Variants in CDH8 observed in about 807,000 individuals in gnomAD.
CDH8 encodes the protein cadherin-8.
A neutral mutation model predicts 68.1 loss-of-function variants in CDH8; 17 were observed. The ratio of observed to expected loss-of-function variants is 0.25; its 90% CI spans 0.17 to 0.37. The LOEUF (loss-of-function observed/expected upper bound fraction) is 0.37, where lower values mean the gene tolerates loss of function less well. Among genes scored for constraint, CDH8 ranks in the 10% least tolerant of loss-of-function variants. CDH8 has a pLI of 1.00. For synonymous variants in CDH8, 372 were observed against 365.1 expected, an observed-to-expected ratio of 1.02 and a Z score of -0.21; for missense variants, 763 against 999.3, an observed-to-expected ratio of 0.76 and a Z score of 3.19.
At chr16:61,783,472 G>C (rs1432841062) in intron 8 of CDH8, among the ~76,000 whole-genome samples, 1 of 151,934 alleles carries the variant, frequency 6.6e-6, no homozygotes, top group Non-Finnish European at 1.5e-5. Flanking sequence ...TGGTGTACCT[G>C]AAAGTGATGG....
intron 8 of CDH8, among the ~76,000 whole-genome samples, chr16:61,758,220 T>G (rs982437106): frequency 6.6e-6 from 1 of 152,144 alleles, no homozygotes; most frequent in Non-Finnish European, 1.5e-5. Flanking sequence ...ATTTTGACCA[T>G]GACACCTTTG....
intron 1 of CDH8, among the ~76,000 whole-genome samples, chr16:62,031,282 T>C (rs998442384): frequency 2.0e-5 from 3 of 152,042 alleles, no homozygotes; most frequent in Non-Finnish European, 4.4e-5. Flanking sequence ...TAAGATTGAT[T>C]TGAAAAAATG....
At chr16:62,008,604 G>A (rs996880848) in intron 2 of CDH8, among the ~76,000 whole-genome samples, 2 of 152,088 alleles carry the variant, frequency 1.3e-5, no homozygotes, top group Admixed American at 6.5e-5. Flanking sequence ...GGGCTCAGGC[G>A]ATCCTCACAA....
At chr16:61,990,691 G>T (rs1471970514) in intron 2 of CDH8, among the ~76,000 whole-genome samples, 1 of 152,092 alleles carries the variant, frequency 6.6e-6, no homozygotes, top group Non-Finnish European at 1.5e-5. Flanking sequence ...CAGTGTGGCG[G>T]TGCACACCTG....
rs574155602 is a variant in CDH8, at chr16:61,831,234, T to C, written c.668-6055A>G. On this transcript the variant is annotated intron_variant, in intron 4 of 11. Coordinates refer to ENST00000577390, the MANE Select transcript of CDH8 (RefSeq NM_001796.5). The stretch of plus-strand genomic sequence containing the variant: ...GAATTCAACTAATGAGAACCCTCCA[T>C]TCTCCATGAAGTTCATTCAATGGAA... Among the ~76,000 whole-genome samples the C allele has an allele frequency of 9.2e-5, 14 of 151,874 alleles. No homozygotes were observed. In the South Asian group the frequency reaches 2.9e-3, roughly 31 times the overall value.
intron 3 of CDH8, among the ~76,000 whole-genome samples, chr16:61,862,083 A>G (rs1328771875): frequency 6.6e-6 from 1 of 151,898 alleles, no homozygotes; most frequent in African/African-American, 2.4e-5. Flanking sequence ...GCTTAGAAAG[A>G]AAGTGATTTT....
chr16:61,775,099 C>A (rs1008067036), intron 8 of CDH8, among the ~76,000 whole-genome samples: 1 of 152,110 alleles, frequency 6.6e-6, no homozygotes, highest in Non-Finnish European at 1.5e-5. Context: ...TGTGTTGGCC[C>A]ATGCCTATAA....
intron 10 of CDH8, chr16:61,693,562 C>T (rs1948089784): frequency 6.6e-6 from 1 of 151,942 alleles, no homozygotes. Context: ...AAGATGGCAC[C>T]TCATAGAGGT....
At chr16:61,851,492 C>G (rs1438875318) in intron 4 of CDH8, among the ~76,000 whole-genome samples, 1 of 152,026 alleles carries the variant, frequency 6.6e-6, no homozygotes, top group Non-Finnish European at 1.5e-5. Flanking sequence ...ACTTGCCTTG[C>G]ATTTTATTTA....
At chr16:61,671,008 G>A (rs1237260356) in intron 10 of CDH8, among the ~76,000 whole-genome samples, 1 of 151,924 alleles carries the variant, frequency 6.6e-6, no homozygotes, top group Non-Finnish European at 1.5e-5. Context: ...CAAAACTATG[G>A]ATAAGGGGGA....
chr16:61,712,761 G>A (rs1181383158), intron 10 of CDH8, among the ~76,000 whole-genome samples: 1 of 151,556 alleles, frequency 6.6e-6, no homozygotes, highest in Non-Finnish European at 1.5e-5. Flanking sequence ...TATAACAACT[G>A]TCATTTCCTT....
In CDH8 at chr16:61,926,567, A is replaced by G. The variant is rs866976975; in HGVS notation, c.253-25094T>C. On this transcript the variant is annotated intron_variant, in intron 2 of 11. Coordinates refer to ENST00000577390, the MANE Select transcript of CDH8 (RefSeq NM_001796.5). ...TTTTTTATATCCTTAGGGTTCTGTGACACCTGACAGATGGAGCATATGCCC... is the reference window on the plus strand; with the variant it reads ...TTTTTTATATCCTTAGGGTTCTGTGGCACCTGACAGATGGAGCATATGCCC... Among the ~76,000 whole-genome samples the G allele has an allele frequency of 2.4e-4, 36 of 152,198 alleles. 1 individual carries two copies. Among genetic ancestry groups the G allele is most frequent in the African/African-American group, 7.0e-4 (29 of 41,448 alleles).
In CDH8 at chr16:61,781,489, C is replaced by T. The variant is rs72798723; in HGVS notation, c.1414+7857G>A. The stretch of plus-strand genomic sequence containing the variant: ...AACTACAATTAGCCAGGCATGATGG[C>T]TTGTGCCTGTAGGCCCAGATGCTAG... On this transcript the variant is annotated intron_variant, in intron 8 of 11. Coordinates refer to ENST00000577390, the MANE Select transcript of CDH8 (RefSeq NM_001796.5). Among the ~76,000 whole-genome samples, 1,210 of 152,174 alleles carry T rather than the reference C, an allele frequency of 8.0e-3. 12 individuals carry two copies. Among genetic ancestry groups the T allele is most frequent in the Non-Finnish European group, 0.015 (991 of 67,994 alleles).
At chr16:61,772,084 A>C (rs151184735) in intron 8 of CDH8, among the ~76,000 whole-genome samples, 3,441 of 152,078 alleles carry the variant, frequency 0.023, 71 homozygotes, top group Admixed American at 0.039. Flanking sequence ...AAAATTTCAG[A>C]ACCCAGAGGT....
At chr16:62,033,755 G>T (rs1902383439) in intron 1 of CDH8, among the ~76,000 whole-genome samples, 1 of 152,054 alleles carries the variant, frequency 6.6e-6, no homozygotes, top group Non-Finnish European at 1.5e-5. Context: ...AATGAGGAAG[G>T]TGAACTGCCA....
chr16:62,020,032 G>A (rs1902034386), intron 2 of CDH8, among the ~76,000 whole-genome samples: 1 of 152,064 alleles, frequency 6.6e-6, no homozygotes, highest in South Asian at 2.1e-4. Context: ...CCTTATGCAG[G>A]CTTTCTTCAT....
chr16:61,847,536 TTTTATATATA>T (rs889519813), intron 4 of CDH8, among the ~76,000 whole-genome samples: 5 of 68,914 alleles, frequency 7.3e-5, no homozygotes, highest in Admixed American at 3.4e-4. Flanking sequence ...CTTCCAATCA[TTTTATATATA>T]TATATATATA....
intron 8 of CDH8, among the ~76,000 whole-genome samples, chr16:61,782,462 C>A (rs1192756768): frequency 5.9e-5 from 9 of 152,216 alleles, no homozygotes; most frequent in Non-Finnish European, 1.3e-4. Context: ...TCGCTGATTG[C>A]TAGCACAGCA....
intron 6 of CDH8, among the ~76,000 whole-genome samples, chr16:61,819,074 A>G (rs1962150783): frequency 6.6e-6 from 1 of 151,756 alleles, no homozygotes; most frequent in Admixed American, 6.6e-5. Context: ...AATCACCTTT[A>G]CTGTAACAAT....
Sources: allele counts gnomAD v4.1 joint callset (sites outside exome capture counted in the v4.1 genomes callset), GRCh38; gene constraint gnomAD v4.1.1; transcripts MANE v1.5; gene names NCBI Gene and HGNC (gene_info 2026-07-23, HGNC 2026-07-21).